Variants in CD5 observed in about 807,000 individuals in gnomAD.
The protein encoded by CD5 is CD5 molecule, also known as T-cell surface glycoprotein CD5.
Under a neutral mutation model 60.3 loss-of-function variants are expected in CD5, and 36 were observed. The observed-to-expected ratio is 0.60, with a 90% CI of 0.46 to 0.79. The LOEUF is 0.79. Ranked by LOEUF, CD5 falls within the 30% of genes least tolerant of loss-of-function variation. The probability of loss-of-function intolerance (pLI) is 0.00; values close to 1 mark genes in which losing one functional copy is unlikely to be tolerated. For missense variants in CD5, 540 were observed against 630.6 expected (o/e 0.86, Z 1.54); for synonymous variants, 230 against 257.6 (o/e 0.89, Z 1.03).
chr11:61,106,547 G>A (rs904191333), intron 1 of CD5, among the ~76,000 whole-genome samples: 3 of 152,210 alleles, frequency 2.0e-5, no homozygotes, highest in Non-Finnish European at 4.4e-5. Context: ...GGCCCAGGAA[G>A]GGACCTGGCC....
intron 2 of CD5, among the ~76,000 whole-genome samples, chr11:61,115,385 A>G (rs1483544666): frequency 6.6e-6 from 1 of 152,214 alleles, no homozygotes; most frequent in Non-Finnish European, 1.5e-5. Context: ...CCCAGCTCAT[A>G]AATGTACCTT....
At chr11:61,115,185 A>G (rs1860920922) in intron 2 of CD5, 91 bp downstream of exon 2, 3 of 1,237,282 alleles carry the variant, frequency 2.4e-6, no homozygotes. Context: ...CGATGAAGCC[A>G]TCACTTCTGC....
At chr11:61,100,424 A>T (rs1462478541), upstream of CD5, among the ~76,000 whole-genome samples, 1 of 149,036 alleles carries the variant, frequency 6.7e-6, no homozygotes, top group Non-Finnish European at 1.5e-5. Context: ...ACACACATCA[A>T]CATGGAGATC....
chr11:61,120,143 T>C (rs908525059), intron 5 of CD5, among the ~76,000 whole-genome samples: 4 of 151,936 alleles, frequency 2.6e-5, no homozygotes, highest in African/African-American at 9.7e-5. Context: ...TGCCGCTGTG[T>C]GGTTGAGGGG....
At chr11:61,099,977 T>G (rs1322492057), upstream of CD5, among the ~76,000 whole-genome samples, 12 of 122,954 alleles carry the variant, frequency 9.8e-5, no homozygotes, top group Non-Finnish European at 1.8e-4. Flanking sequence ...GGAGATCACA[T>G]TCACACACAT....
intron 1 of CD5, among the ~76,000 whole-genome samples, chr11:61,107,586 T>G (rs1350992380): frequency 6.6e-6 from 1 of 152,190 alleles, no homozygotes; most frequent in African/African-American, 2.4e-5. Context: ...CTTAGAGGGA[T>G]GTAAAGACAG....
At position 61,119,498 on chromosome 11, in the gene CD5, G is replaced by T. The variant is rs1182942677; in HGVS notation, c.728G>T (p.Ser243Ile). The change falls in exon 5 of 11, where the codon AGC (serine) becomes ATC (isoleucine). Residue 243 changes from serine (S) to isoleucine (I), a missense_variant. By Grantham distance (142) the Ser-to-Ile change is moderately radical. Coordinates refer to ENST00000347785, the MANE Select transcript of CD5 (RefSeq NM_014207.4). ...ATCCAATGGAAGATCCAGAACTCAA[G>T]CTGTACCTCCCTGGAGCATTGCTTC... ...LPIQWKIQNS[S>I]CTSLEHCFRK... 1 of 1,614,160 alleles carries T rather than the reference G, an allele frequency of 6.2e-7. No homozygotes were observed.
At chr11:61,114,883 T>C (rs779960408) in intron 1 of CD5, among the ~76,000 whole-genome samples, 173 bp from the exon 2 acceptor site, 1 of 152,050 alleles carries the variant, frequency 6.6e-6, no homozygotes, top group Non-Finnish European at 1.5e-5. Context: ...TAGATAGAAT[T>C]CATATCACTC....
chr11:61,103,159 C>T (rs1407824544), intron 1 of CD5, among the ~76,000 whole-genome samples: 3 of 152,214 alleles, frequency 2.0e-5, no homozygotes, highest in Admixed American at 1.3e-4. Context: ...CCCTCTCATG[C>T]CCAGTCCTGG....
At chr11:61,119,034 A>G (rs1278838093) in intron 4 of CD5, 57 bp downstream of exon 4, 6 of 1,424,864 alleles carry the variant, frequency 4.2e-6, no homozygotes, top group East Asian at 4.6e-5. Context: ...AAAACCCAGG[A>G]TGCCCAGTTA....
chr11:61,106,923 T>C (rs1590766631), intron 1 of CD5, among the ~76,000 whole-genome samples: 1 of 152,332 alleles, frequency 6.6e-6, no homozygotes, highest in East Asian at 1.9e-4. Flanking sequence ...ATTGAACACC[T>C]ACTATGTGCC....
intron 4 of CD5, 61 bp downstream of exon 4, chr11:61,119,038 C>T: frequency 7.1e-7 from 1 of 1,406,058 alleles, no homozygotes; most frequent in Non-Finnish European, 9.9e-7. Flanking sequence ...CCCAGGATGC[C>T]CAGTTACATT....
intron 8 of CD5, among the ~76,000 whole-genome samples, chr11:61,124,809 T>C (rs888359331): frequency 1.7e-4 from 26 of 151,964 alleles, no homozygotes; most frequent in African/African-American, 6.3e-4. Flanking sequence ...GCCAGTCAGA[T>C]TGCTGGGTTA....
chr11:61,118,035 G>C lies in CD5; in HGVS notation c.95-140G>C. On this transcript the variant is annotated intron_variant, in intron 2 of 10. Transcript: ENST00000347785. The surrounding 1 kb of genome is among the most constrained non-coding windows in gnomAD (Gnocchi z 4.7). Reference sequence around the variant, plus strand: ...GAAGCCCCTGCAGTGCCCCAGAAGGGACGAAGCTCACAAGGGGCAAGGCAG... The same window carrying C: ...GAAGCCCCTGCAGTGCCCCAGAAGGCACGAAGCTCACAAGGGGCAAGGCAG... 1 of 849,818 alleles carries C rather than the reference G, an allele frequency of 1.2e-6. No individual in the cohort carries two copies. Among genetic ancestry groups the C allele is most frequent in the South Asian group, 1.7e-5 (1 of 60,384 alleles). The allele number at this position is 849,818 out of a possible 1,614,324, so 52.6% of individuals were successfully genotyped here.
rs373918288 is a variant in CD5, at chr11:61,125,734, G to A, written c.1400-17G>A. On this transcript the variant is annotated splice_polypyrimidine_tract_variant and intron_variant, in intron 9 of 10. Transcript: ENST00000347785. ...GAGTCAAAAACCCTCTGCAAACAGC[G>A]TCCTTTCTTTCCCCAGCTCTGGAAG... The A allele has an allele frequency of 7.3e-5, 117 of 1,592,434 alleles. No individual in the cohort carries two copies. The highest frequency in any genetic ancestry group is 9.0e-5 in the Non-Finnish European group (105 of 1,163,434).
the CD5 span, among the ~76,000 whole-genome samples, chr11:61,096,207 T>C: frequency 6.6e-6 from 1 of 152,218 alleles, no homozygotes; most frequent in Non-Finnish European, 1.5e-5. Flanking sequence ...ATGCGCCTGT[T>C]GTAAGGAAGT....
intron 1 of CD5, among the ~76,000 whole-genome samples, chr11:61,105,138 A>G (rs1019692933): frequency 1.3e-5 from 2 of 152,238 alleles, no homozygotes; most frequent in Admixed American, 1.3e-4. Context: ...ATCCTGAGGC[A>G]TGAAGATGCC....
the CD5 span, among the ~76,000 whole-genome samples, chr11:61,096,026 G>C: frequency 6.6e-6 from 1 of 152,260 alleles, no homozygotes; most frequent in Non-Finnish European, 1.5e-5. Context: ...TCAATCAAGT[G>C]TTTGAGAATG....
chr11:61,125,125 G>A lies in CD5; in HGVS notation c.1373G>A (p.Arg458Lys), dbSNP rs1256573382. 2 of 1,613,970 alleles carry A rather than the reference G, an allele frequency of 1.2e-6. No individual in the cohort carries two copies. The highest frequency in any genetic ancestry group is 8.5e-7 in the Non-Finnish European group (1 of 1,180,004). ...HVDNEYSQPP[R>K]NSHLSAYPAL... The stretch of plus-strand genomic sequence containing the variant: ...GATAACGAATACAGCCAACCTCCCA[G>A]GAACTCCCACCTGTCAGCTTATCCA... Residue 458 changes from arginine to lysine, a missense_variant, in exon 9 of 11, where the codon AGG (arginine) becomes AAG (lysine). Coordinates refer to ENST00000347785, the MANE Select transcript of CD5 (RefSeq NM_014207.4).
Sources: allele counts gnomAD v4.1 joint callset (sites outside exome capture counted in the v4.1 genomes callset), GRCh38; gene constraint gnomAD v4.1.1; non-coding constraint Gnocchi (gnomAD v3.1); transcripts MANE v1.5; gene names NCBI Gene and HGNC (gene_info 2026-07-23, HGNC 2026-07-21).